Variants in GPR155 observed in about 807,000 individuals in gnomAD.
GPR155 encodes the protein G protein-coupled receptor 155.
Under a neutral mutation model 93.1 loss-of-function variants are expected in GPR155, and 65 were observed. That is an observed-to-expected ratio of 0.70 (90% CI 0.57 to 0.86). GPR155 has a LOEUF of 0.86. Among genes scored for constraint, GPR155 ranks in the 40% least tolerant of loss-of-function variants. The probability of loss-of-function intolerance (pLI) is 0.00; values close to 1 mark genes in which losing one functional copy is unlikely to be tolerated. For synonymous variants in GPR155, 319 were observed against 360.1 expected (o/e 0.89, Z 1.29); for missense variants, 838 against 1,034.8 (o/e 0.81, Z 2.61).
At chr2:174,470,626 G>A (rs978322216) in intron 3 of GPR155, 71 bp from the exon 4 acceptor site, 85 of 1,418,702 alleles carry the variant, frequency 6.0e-5, no homozygotes, top group Admixed American at 1.5e-4. Context: ...GGCTGCTCTG[G>A]TGAATTTGGC....
intron 10 of GPR155, among the ~76,000 whole-genome samples, chr2:174,457,128 A>G (rs992901926): frequency 6.6e-6 from 1 of 152,200 alleles, no homozygotes. Context: ...CCTGGCCAAC[A>G]TGGTGAAAAC....
chr2:174,454,219 C>T (rs527339102), intron 10 of GPR155, among the ~76,000 whole-genome samples: 1 of 152,130 alleles, frequency 6.6e-6, no homozygotes, highest in African/African-American at 2.4e-5. Flanking sequence ...CTCACTGCAA[C>T]CTCCGCCTCC....
chr2:174,456,221 A>G (rs1485097300), intron 10 of GPR155, among the ~76,000 whole-genome samples: 3 of 152,128 alleles, frequency 2.0e-5, no homozygotes, highest in Non-Finnish European at 4.4e-5. Context: ...GAGATGCAAC[A>G]TTAGGAACAA....
In GPR155 at chr2:174,453,834, G is replaced by T. The variant is rs780769407; in HGVS notation, c.1779C>A (p.Cys593Ter). 1.2e-6 allele frequency: 2 copies of T among 1,608,142 alleles called. No individual in the cohort carries two copies. The highest frequency in any genetic ancestry group is 1.7e-5 in the Admixed American group (1 of 59,986). ...FTSSIPETSC[C>*]SCSMGNGELH... ...ATTCACCATTTCCCATGGAGCAGGAGCAGCAACCTATATCAATCAAATAGT... is the reference window on the plus strand; with the variant it reads ...ATTCACCATTTCCCATGGAGCAGGATCAGCAACCTATATCAATCAAATAGT... Residue 593 changes from cysteine (C) to a stop codon, truncating the protein, a stop_gained, in exon 11 of 16, where the codon TGC becomes TGA. Transcript: ENST00000392552. LOFTEE classifies it high-confidence loss of function.
intron 5 of GPR155, among the ~76,000 whole-genome samples, chr2:174,467,617 C>T (rs1407092755): frequency 6.6e-6 from 1 of 152,176 alleles, no homozygotes; most frequent in African/African-American, 2.4e-5. Flanking sequence ...TATAATAATG[C>T]ACTATTCTAA....
Position 174,460,015 on chromosome 2 carries a change from G to T in GPR155, c.1634C>A (p.Thr545Asn). The T allele has an allele frequency of 6.2e-7, 1 of 1,613,918 alleles. No homozygotes were observed. The highest frequency in any genetic ancestry group is 8.5e-7 in the Non-Finnish European group (1 of 1,179,990). ...AGISLMCMNQ[T>N]AQAGSYEGFD... ...ACCTTCATAGCTTCCTGCTTGGGCA[G>T]TCTGGTTCATGCACATGAGGGATAT... The change falls in exon 10 of 16, where the codon ACT becomes AAT. Residue 545 changes from threonine to asparagine, a missense_variant. Physicochemically the swap from Thr to Asn is moderately conservative, Grantham distance 65. Transcript: ENST00000392552.
rs1226320221 is a variant in GPR155, at chr2:174,473,253, T to C, written c.572A>G (p.Gln191Arg). The stretch of plus-strand genomic sequence containing the variant: ...AGCATTTTGAGTGTCTTTCCACTTT[T>C]GGATTTCACAGAAAATAAACCCTAT... Reference protein sequence around the residue: ...NPIGFIFCEIQKWKDTQNASQ... With the variant: ...NPIGFIFCEIRKWKDTQNASQ... The change falls in exon 3 of 16, where the codon CAA becomes CGA. Residue 191 changes from glutamine to arginine, a missense_variant. Around this residue, in one of 3 missense-constraint regions of GPR155, gnomAD observed 663 missense variants for 790.1 expected, o/e 0.84. Coordinates refer to ENST00000392552, the MANE Select transcript of GPR155 (RefSeq NM_152529.7). 1 of 1,613,614 alleles carries C rather than the reference T, an allele frequency of 6.2e-7. No individual in the cohort carries two copies. Among genetic ancestry groups the C allele is most frequent in the South Asian group, 1.1e-5 (1 of 91,022 alleles).
Position 174,446,595 on chromosome 2 carries a change from CA to C in GPR155, c.2013+15del, listed in dbSNP as rs1300605323. ...TAAAGAAATGGCCCCAAAACAAAACCAGAAAAAACCATTACAGCGAACAGGC... is the reference window on the plus strand; with the variant it reads ...TAAAGAAATGGCCCCAAAACAAAACCGAAAAAACCATTACAGCGAACAGGC... On this transcript the variant is annotated intron_variant, in intron 12 of 15. Coordinates refer to ENST00000392552, the MANE Select transcript of GPR155 (RefSeq NM_152529.7). 2 of 1,586,746 alleles carry C rather than the reference CA, an allele frequency of 1.3e-6. No homozygotes were observed. The highest frequency in any genetic ancestry group is 2.7e-5 in the African/African-American group (2 of 73,304).
intron 2 of GPR155, 120 bp downstream of exon 2, chr2:174,481,377 C>T (rs190286518): frequency 1.4e-5 from 9 of 629,564 alleles, no homozygotes; most frequent in East Asian, 5.5e-5. Context: ...CATCCTAAGA[C>T]ATATTTGAGA....
rs1001407803 is a variant in GPR155 at position 174,434,911 on chromosome 2, G to A, written c.*1205C>T. 1.3e-5 allele frequency: 2 copies of A among 151,616 alleles called. No homozygotes were observed. Among genetic ancestry groups the A allele is most frequent in the African/African-American group, 4.9e-5 (2 of 41,230 alleles). The allele number at this position is 151,616 out of a possible 1,614,324, so 9.4% of individuals were successfully genotyped here. ...CCCAAAGTGCTGAGATTACAGGCGT[G>A]AGCCACTAAGCCTAGCCCTCTAGTT... On this transcript the variant is annotated 3_prime_UTR_variant, in exon 16 of 16. Transcript: ENST00000392552.
intron 11 of GPR155, among the ~76,000 whole-genome samples, chr2:174,448,816 C>A (rs1034529424): frequency 1.3e-5 from 2 of 151,972 alleles, no homozygotes; most frequent in Non-Finnish European, 2.9e-5. Flanking sequence ...GGATTACAGG[C>A]GTGAGCCACC....
chr2:174,444,660 T>C (rs908957358), intron 13 of GPR155, among the ~76,000 whole-genome samples: 1 of 151,752 alleles, frequency 6.6e-6, no homozygotes, highest in Non-Finnish European at 1.5e-5. Flanking sequence ...GTCTGGCTAA[T>C]TTTTTTGTAT....
intron 14 of GPR155, among the ~76,000 whole-genome samples, chr2:174,440,686 G>A (rs1277858641): frequency 2.0e-5 from 3 of 152,066 alleles, no homozygotes; most frequent in Admixed American, 2.0e-4. Context: ...AGCGCTGGTG[G>A]GATACATTTC....
rs71024806 is a variant in GPR155, at chr2:174,435,461, ATTATTTTATT to A, written c.*645_*654del. 2.7e-5 allele frequency: 4 copies of A among 148,416 alleles called. No individual in the cohort carries two copies. The highest frequency in any genetic ancestry group is 6.0e-5 in the Non-Finnish European group (4 of 67,150). 9.2% of individuals were successfully genotyped at this position (148,416 alleles called of 1,614,324 possible). A position where few individuals can be genotyped will look rare whatever the true frequency, so the allele number is the denominator to read the frequency against. On this transcript the variant is annotated 3_prime_UTR_variant, in exon 16 of 16. Transcript: ENST00000392552. Reference sequence around the variant, plus strand: ...ATGCAAATACTACACCATTTTATTAATTATTTTATTTTATTTTATTTTATTTTTGAGATAG... The same window carrying A: ...ATGCAAATACTACACCATTTTATTAATTATTTTATTTTATTTTTGAGATAG...
intron 11 of GPR155, among the ~76,000 whole-genome samples, chr2:174,448,709 T>C (rs1687229865): frequency 6.6e-6 from 1 of 151,228 alleles, no homozygotes; most frequent in Non-Finnish European, 1.5e-5. Flanking sequence ...GGCTAATTTT[T>C]TGTATTTTTA....
At position 174,442,023 on chromosome 2, in the gene GPR155, C is replaced by A. The variant is rs556601794; in HGVS notation, c.2174+96G>T. On this transcript the variant is annotated intron_variant, in intron 14 of 15. Transcript: ENST00000392552. Reference sequence around the variant, plus strand: ...CTGGCCTCCCAAAGTACTGGGATTACAAGTAGCCACCATGCATGGCCCCAT... The same window carrying A: ...CTGGCCTCCCAAAGTACTGGGATTAAAAGTAGCCACCATGCATGGCCCCAT... 47 of 743,774 alleles carry A rather than the reference C, an allele frequency of 6.3e-5. 1 individual carries two copies. The South Asian group carries it at 6.5e-4, about 10-fold the overall frequency. The allele number at this position is 743,774 out of a possible 1,614,324, so 46.1% of individuals were successfully genotyped here.
chr2:174,481,492 C>A lies in GPR155; in HGVS notation c.460+5G>T. On this transcript the variant is annotated splice_donor_5th_base_variant and intron_variant, in intron 2 of 15. Coordinates refer to ENST00000392552, the MANE Select transcript of GPR155 (RefSeq NM_152529.7). ...TAAACACTTGAAAAATAAAAATTAA[C>A]TTACCTATAGGGTATCCCAATGCAA... 1 of 1,483,348 alleles carries A rather than the reference C, an allele frequency of 6.7e-7. No homozygotes were observed. The highest frequency in any genetic ancestry group is 9.1e-7 in the Non-Finnish European group (1 of 1,096,486). 91.9% of individuals were successfully genotyped at this position (1,483,348 alleles called of 1,614,324 possible).
intron 7 of GPR155, among the ~76,000 whole-genome samples, chr2:174,465,356 A>C (rs1038000251): frequency 1.1e-4 from 17 of 152,230 alleles, no homozygotes; most frequent in Admixed American, 3.9e-4. Flanking sequence ...TTTACAAATG[A>C]GGAAACTGAG....
At chr2:174,445,558 C>G (rs890861905) in intron 12 of GPR155, 2 of 160,582 alleles carry the variant, frequency 1.2e-5, no homozygotes, top group African/African-American at 4.8e-5. Context: ...GATTTTTGTT[C>G]TTAAATGGCA....
Sources: gnomAD v4.1 joint callset for allele counts (sites outside exome capture counted in the v4.1 genomes callset) on GRCh38, gnomAD v4.1.1 for gene constraint, gnomAD v4.1.1 regional missense constraint, MANE v1.5 for transcripts, NCBI Gene and HGNC (gene_info 2026-07-23, HGNC 2026-07-21) for gene names.